Variants in UBXN2B observed in about 807,000 individuals in gnomAD.
UBXN2B encodes the protein UBX domain protein 2B.
A neutral mutation model predicts 37.5 loss-of-function variants in UBXN2B; 19 were observed. The ratio of observed to expected loss-of-function variants is 0.51; its 90% confidence interval spans 0.35 to 0.74. The LOEUF is 0.74. Ranked by LOEUF, UBXN2B falls within the 30% of genes least tolerant of loss-of-function variation. UBXN2B has a pLI of 0.01. For synonymous variants in UBXN2B, 145 were observed against 143.8 expected, an observed-to-expected ratio of 1.01 and a Z score of -0.06; for missense variants, 370 against 393.2, an observed-to-expected ratio of 0.94 and a Z score of 0.50.
intron 2 of UBXN2B, among the ~76,000 whole-genome samples, chr8:58,418,147 A>G (rs1807832293): frequency 6.6e-6 from 1 of 151,490 alleles, no homozygotes; most frequent in African/African-American, 2.4e-5. Flanking sequence ...AGGCTGAGGC[A>G]CAAGAATCGC....
At chr8:58,425,561 G>C (rs1195874684) in intron 2 of UBXN2B, 2 of 1,063,168 alleles carry the variant, frequency 1.9e-6, no homozygotes, top group African/African-American at 1.6e-5. Flanking sequence ...TTGTTTTCTT[G>C]CCTTTTACCC....
chr8:58,432,232 A>G (rs1808297139), intron 3 of UBXN2B, among the ~76,000 whole-genome samples: 2 of 152,078 alleles, frequency 1.3e-5, no homozygotes, highest in African/African-American at 2.4e-5. Flanking sequence ...ATTTAAAGCT[A>G]TGATCTATTT....
chr8:58,433,497 A>G (rs1247753325), intron 4 of UBXN2B, among the ~76,000 whole-genome samples: 1 of 151,964 alleles, frequency 6.6e-6, no homozygotes, highest in East Asian at 1.9e-4. Flanking sequence ...ATTTGCAGCC[A>G]GGCGTGGTGA....
At chr8:58,426,923 T>G (rs529286923) in intron 2 of UBXN2B, among the ~76,000 whole-genome samples, 1 of 152,362 alleles carries the variant, frequency 6.6e-6, no homozygotes, top group South Asian at 2.1e-4. Flanking sequence ...TAATAAGGTT[T>G]TGCCAATTGG....
intron 2 of UBXN2B, among the ~76,000 whole-genome samples, chr8:58,423,763 A>G (rs1348326745): frequency 6.6e-6 from 1 of 151,538 alleles, no homozygotes; most frequent in Non-Finnish European, 1.5e-5. Context: ...TTAAGCCACT[A>G]AAGTTTTAGG....
chr8:58,425,119 T>A (rs1351888024), intron 2 of UBXN2B: 3 of 806,188 alleles, frequency 3.7e-6, no homozygotes, highest in Non-Finnish European at 4.5e-6. Flanking sequence ...CCAAAAGTGG[T>A]ATTGCCAGAC....
intron 2 of UBXN2B, among the ~76,000 whole-genome samples, chr8:58,420,786 G>T (rs1351493123): frequency 6.6e-6 from 1 of 152,132 alleles, no homozygotes; most frequent in East Asian, 1.9e-4. Flanking sequence ...TGTGTGAACT[G>T]CCTGTAGTGA....
chr8:58,416,067 C>CAA (rs1331957085), intron 1 of UBXN2B, among the ~76,000 whole-genome samples: 31 of 118,504 alleles, frequency 2.6e-4, no homozygotes, highest in African/African-American at 8.6e-4. Flanking sequence ...TTGAAAAAAA[C>CAA]AAAAAAAAAA....
chr8:58,447,415 T>A lies in UBXN2B; in HGVS notation c.860T>A (p.Val287Glu), dbSNP rs1274244127. Residue 287 changes from valine (V) to glutamate (E), a missense_variant, in exon 8 of 8, where the codon GTA (valine) becomes GAA (glutamate). Physicochemically the swap from Val to Glu is moderately radical, Grantham distance 121. This residue lies in a region of UBXN2B where 83 missense variants were observed against 83.5 expected (regional missense o/e 0.99). Coordinates refer to ENST00000399598, the MANE Select transcript of UBXN2B (RefSeq NM_001077619.2). Reference protein sequence around the residue: ...HRILDVRNFIVQSRPEFAALD... With the variant: ...HRILDVRNFIEQSRPEFAALD... ...ATCCTGGATGTCCGGAACTTTATTG[T>A]ACAGTCTCGTCCTGAATTTGCGGCT... The A allele has an allele frequency of 1.2e-6, 2 of 1,609,732 alleles. No individual in the cohort carries two copies. Among genetic ancestry groups the A allele is most frequent in the African/African-American group, 2.7e-5 (2 of 74,890 alleles).
chr8:58,435,480 A>G lies in UBXN2B; in HGVS notation c.533+976A>G, dbSNP rs147779266. 5.9e-5 allele frequency among the ~76,000 whole-genome samples: 9 copies of G among 152,320 alleles called. No individual in the cohort carries two copies. In the East Asian group the frequency reaches 1.7e-3, roughly 29 times the overall value. ...TAGGAGGCAGTATATGGGGGTGGCA[A>G]ATACAGGATATAATGGTTTAAGTCA... On this transcript the variant is annotated intron_variant, in intron 5 of 7. Coordinates refer to ENST00000399598, the MANE Select transcript of UBXN2B (RefSeq NM_001077619.2).
At chr8:58,413,472 A>G (rs1807691161) in intron 1 of UBXN2B, 1 of 152,196 alleles carries the variant, frequency 6.6e-6, no homozygotes, top group South Asian at 2.1e-4. Context: ...TAATCTAGAC[A>G]TGCTTTTCTT....
chr8:58,424,666 G>A, intron 2 of UBXN2B: 1 of 1,171,464 alleles, frequency 8.5e-7, no homozygotes, highest in South Asian at 1.2e-5. Context: ...TTTCTGCACA[G>A]CGTGGAGTTG....
At chr8:58,430,465 T>C (rs968697511) in intron 2 of UBXN2B, 54 bp from the exon 3 acceptor site, 1 of 1,290,486 alleles carries the variant, frequency 7.7e-7, no homozygotes, top group African/African-American at 1.5e-5. Flanking sequence ...AGCTTTTTAC[T>C]TCAGTTTATG....
chr8:58,431,908 T>TTA, intron 3 of UBXN2B, among the ~76,000 whole-genome samples: 1 of 152,368 alleles, frequency 6.6e-6, no homozygotes, highest in East Asian at 1.9e-4. Flanking sequence ...AAATATCTCT[T>TTA]CATTACTTTC....
rs1216371815 is a variant in UBXN2B at position 58,433,149 on chromosome 8, A to G, written c.340-11A>G. 4.4e-6 allele frequency: 7 copies of G among 1,593,738 alleles called. No individual in the cohort carries two copies. The highest frequency in any genetic ancestry group is 2.2e-5 in the South Asian group (2 of 89,716). On this transcript the variant is annotated splice_polypyrimidine_tract_variant and intron_variant, in intron 3 of 7. Coordinates refer to ENST00000399598, the MANE Select transcript of UBXN2B (RefSeq NM_001077619.2). ...CTTTGTGAATTTTAACTCACTTGCT[A>G]TGTATTTTAGTCATTTACAGGTGGA...
intron 2 of UBXN2B, among the ~76,000 whole-genome samples, chr8:58,423,305 A>T (rs1807978198): frequency 6.6e-6 from 1 of 152,192 alleles, no homozygotes; most frequent in African/African-American, 2.4e-5. Context: ...AGGCAGAAAG[A>T]GAAGCCCAGA....
chr8:58,441,060 A>G (rs1026553651), intron 6 of UBXN2B, among the ~76,000 whole-genome samples: 1 of 150,062 alleles, frequency 6.7e-6, no homozygotes, highest in African/African-American at 2.5e-5. Flanking sequence ...TGGTGTAGTC[A>G]TAGTTCACTG....
chr8:58,437,556 CT>C (rs1459277235), intron 5 of UBXN2B, among the ~76,000 whole-genome samples: 3 of 151,936 alleles, frequency 2.0e-5, no homozygotes, highest in Non-Finnish European at 2.9e-5. Flanking sequence ...AACCCCTGAC[CT>C]TATGATCCAC....
At chr8:58,424,682 C>T in intron 2 of UBXN2B, 3 of 1,305,774 alleles carry the variant, frequency 2.3e-6, no homozygotes, top group Non-Finnish European at 3.3e-6. Context: ...AGTTGGAGTA[C>T]AAGGCGGGGG....
Sources: gnomAD v4.1 joint callset for allele counts (sites outside exome capture counted in the v4.1 genomes callset) on GRCh38, gnomAD v4.1.1 for gene constraint, gnomAD v4.1.1 regional missense constraint, MANE v1.5 for transcripts, NCBI Gene and HGNC (gene_info 2026-07-23, HGNC 2026-07-21) for gene names.